GPR158: variants seen among roughly 807,000 people sequenced by gnomAD.
The protein encoded by GPR158 is metabotropic glycine receptor.
GPR158 carries 30 observed loss-of-function variants against 78.2 expected under a neutral mutation model. That is an observed-to-expected ratio of 0.38 (90% CI 0.29 to 0.52). GPR158 has a LOEUF of 0.52. Ranked by LOEUF, GPR158 falls within the 20% of genes least tolerant of loss-of-function variation. The pLI, the probability that GPR158 is intolerant of heterozygous loss-of-function variation, is 0.83. For missense variants in GPR158, 1,463 were observed against 1,523.5 expected, an observed-to-expected ratio of 0.96 and a Z score of 0.66; for synonymous variants, 581 against 591.1, an observed-to-expected ratio of 0.98 and a Z score of 0.25.
intron 6 of GPR158, among the ~76,000 whole-genome samples, chr10:25,557,806 C>G (rs951989968): frequency 1.3e-5 from 2 of 152,098 alleles, no homozygotes; most frequent in Admixed American, 6.5e-5. Context: ...CAATGAGTAC[C>G]TTTTGAATAA....
intron 5 of GPR158, among the ~76,000 whole-genome samples, chr10:25,542,599 G>A (rs1390927134): frequency 6.6e-6 from 1 of 152,054 alleles, no homozygotes; most frequent in East Asian, 1.9e-4. Flanking sequence ...AAGGAGGGTG[G>A]ATCACCTGAG....
intron 2 of GPR158, among the ~76,000 whole-genome samples, chr10:25,358,524 C>T (rs2130529852): frequency 6.6e-6 from 1 of 152,116 alleles, no homozygotes; most frequent in East Asian, 1.9e-4. Context: ...CTCATGAGAT[C>T]TGATGCTTTT....
chr10:25,361,309 A>G (rs1162480966), intron 2 of GPR158, among the ~76,000 whole-genome samples: 1 of 151,724 alleles, frequency 6.6e-6, no homozygotes, highest in Non-Finnish European at 1.5e-5. Flanking sequence ...GTTTCTATAT[A>G]CCACATTTTG....
intron 2 of GPR158, among the ~76,000 whole-genome samples, chr10:25,350,415 A>G (rs1396116663): frequency 6.6e-6 from 1 of 152,004 alleles, no homozygotes; most frequent in Non-Finnish European, 1.5e-5. Flanking sequence ...TCTTTATGTA[A>G]ATCAAAATTC....
intron 2 of GPR158, among the ~76,000 whole-genome samples, chr10:25,294,763 A>G (rs1185968498): frequency 1.0e-5 from 1 of 95,272 alleles, no homozygotes; most frequent in African/African-American, 4.1e-5. Flanking sequence ...GCCTCCTAAG[A>G]GCATGGAAGC....
At chr10:25,285,364 A>G in intron 2 of GPR158, among the ~76,000 whole-genome samples, 1 of 152,108 alleles carries the variant, frequency 6.6e-6, no homozygotes, top group Middle Eastern at 3.4e-3. Context: ...GGATTGGCTC[A>G]TGTGATTATG....
At chr10:25,418,293 C>T (rs1245636468) in intron 4 of GPR158, among the ~76,000 whole-genome samples, 3 of 152,056 alleles carry the variant, frequency 2.0e-5, no homozygotes, top group Non-Finnish European at 4.4e-5. Flanking sequence ...AACTACTAGC[C>T]ATCATTGATG....
At chr10:25,370,099 T>C (rs1246768794) in intron 2 of GPR158, among the ~76,000 whole-genome samples, 1 of 144,852 alleles carries the variant, frequency 6.9e-6, no homozygotes, top group Non-Finnish European at 1.5e-5. Flanking sequence ...TCAATTTTGT[T>C]GATCTTTTCA....
intron 4 of GPR158, among the ~76,000 whole-genome samples, chr10:25,437,726 G>A (rs1437075708): frequency 6.6e-6 from 1 of 152,140 alleles, no homozygotes; most frequent in East Asian, 1.9e-4. Flanking sequence ...TCTTCTCAGA[G>A]GTACATAAGT....
intron 2 of GPR158, among the ~76,000 whole-genome samples, chr10:25,273,270 G>A (rs1324053267): frequency 6.6e-6 from 1 of 152,124 alleles, no homozygotes; most frequent in Non-Finnish European, 1.5e-5. Flanking sequence ...TTAAAGAAGA[G>A]TGACATGTTA....
chr10:25,597,238 G>A (rs1167233023), intron 10 of GPR158, among the ~76,000 whole-genome samples: 2 of 152,124 alleles, frequency 1.3e-5, no homozygotes, highest in African/African-American at 2.4e-5. Flanking sequence ...AGTAGTCAAC[G>A]GACTATTACC....
Position 25,597,976 on chromosome 10 carries a change from G to A in GPR158, c.2350G>A (p.Gly784Ser). 1 of 1,614,114 alleles carries A rather than the reference G, an allele frequency of 6.2e-7. No individual in the cohort carries two copies. Residue 784 changes from glycine (G) to serine (S), a missense_variant, in exon 11 of 11, where the codon GGC becomes AGC. Gly to Ser is a moderately conservative substitution (Grantham distance 56). Transcript: ENST00000376351. ...KEGADHGTAK[G>S]TALIRKNPPE... is the part of the protein sequence containing the mutation. ...GGGCGCCGACCATGGCACAGCCAAA[G>A]GCACTGCCCTCATCAGGAAGAACCC...
chr10:25,470,636 C>G (rs1425097759), intron 5 of GPR158, among the ~76,000 whole-genome samples: 3 of 152,086 alleles, frequency 2.0e-5, no homozygotes, highest in African/African-American at 7.2e-5. Flanking sequence ...TAATTAGTAA[C>G]AGAAGCAATG....
chr10:25,375,431 A>G (rs1454743901), intron 2 of GPR158, among the ~76,000 whole-genome samples: 2 of 150,162 alleles, frequency 1.3e-5, no homozygotes, highest in Non-Finnish European at 3.0e-5. Flanking sequence ...AAGTCTAAAA[A>G]TGTTCCACCT....
intron 2 of GPR158, among the ~76,000 whole-genome samples, chr10:25,280,792 C>T (rs573251620): frequency 6.6e-5 from 10 of 152,202 alleles, no homozygotes; most frequent in Admixed American, 4.6e-4. Context: ...TCTGAATCAA[C>T]ACATTTTAAA....
chr10:25,383,548 C>T (rs1612200), intron 2 of GPR158, among the ~76,000 whole-genome samples: 98,057 of 152,030 alleles, frequency 0.64, 32,591 homozygotes, highest in Non-Finnish European at 0.73. Flanking sequence ...GAAATGAAGG[C>T]TTGTTTCCTA....
At chr10:25,189,792 A>G (rs1028015246) in intron 1 of GPR158, among the ~76,000 whole-genome samples, 3 of 151,422 alleles carry the variant, frequency 2.0e-5, no homozygotes, top group African/African-American at 4.9e-5. Flanking sequence ...TAATTTAAAA[A>G]AAAAACCTTT....
intron 5 of GPR158, among the ~76,000 whole-genome samples, chr10:25,535,029 A>C (rs1227978869): frequency 1.3e-5 from 2 of 152,098 alleles, no homozygotes; most frequent in Admixed American, 1.3e-4. Context: ...TTCTCCTTTA[A>C]AGTAGTTTTT....
At chr10:25,197,545 A>G (rs1361611868) in intron 1 of GPR158, among the ~76,000 whole-genome samples, 6 of 152,240 alleles carry the variant, frequency 3.9e-5, no homozygotes, top group African/African-American at 9.6e-5. Flanking sequence ...CAAAGAAGAT[A>G]TATCTTTGCT....
Sources: allele counts gnomAD v4.1 joint callset (sites outside exome capture counted in the v4.1 genomes callset), GRCh38; gene constraint gnomAD v4.1.1; transcripts MANE v1.5; gene names NCBI Gene and HGNC (gene_info 2026-07-23, HGNC 2026-07-21).